RIMS1: variants seen among roughly 807,000 people sequenced by gnomAD.
The protein encoded by RIMS1 is regulating synaptic membrane exocytosis 1, also known as regulating synaptic membrane exocytosis protein 1.
Under a neutral mutation model 214.1 loss-of-function variants are expected in RIMS1, and 83 were observed. That is an observed-to-expected ratio of 0.39 (90% CI 0.32 to 0.47). The LOEUF is 0.47. Ranked by LOEUF, RIMS1 falls within the 20% of genes least tolerant of loss-of-function variation. The pLI is 0.99. For missense variants in RIMS1, 2,050 were observed against 2,161.8 expected, an observed-to-expected ratio of 0.95 and a Z score of 1.03; for synonymous variants, 793 against 786.8, an observed-to-expected ratio of 1.01 and a Z score of -0.13.
At chr6:72,334,561 TAC>T (rs2096776589) in intron 29 of RIMS1, among the ~76,000 whole-genome samples, 1 of 151,918 alleles carries the variant, frequency 6.6e-6, no homozygotes. Flanking sequence ...GATTATTCAT[TAC>T]TATGCTCAAT....
intron 2 of RIMS1, among the ~76,000 whole-genome samples, chr6:72,093,026 C>T (rs1409762728): frequency 6.6e-6 from 1 of 151,914 alleles, no homozygotes; most frequent in Non-Finnish European, 1.5e-5. Flanking sequence ...CTTTTTCTTT[C>T]TAATATTAAA....
intron 16 of RIMS1, among the ~76,000 whole-genome samples, chr6:72,257,521 C>T (rs956519539): frequency 1.3e-5 from 2 of 151,980 alleles, no homozygotes; most frequent in South Asian, 2.1e-4. Flanking sequence ...TTGTGATAGT[C>T]ATCTTCAGTC....
intron 2 of RIMS1, among the ~76,000 whole-genome samples, chr6:72,014,630 C>A (rs1812085597): frequency 1.3e-5 from 2 of 152,058 alleles, no homozygotes; most frequent in Admixed American, 1.3e-4. Flanking sequence ...TATAAATAGT[C>A]ATGTGGTAAC....
intron 4 of RIMS1, among the ~76,000 whole-genome samples, chr6:72,167,957 C>T (rs183248630): frequency 1.0e-3 from 152 of 148,844 alleles, no homozygotes; most frequent in African/African-American, 3.7e-3. Flanking sequence ...TTATTATTTT[C>T]TTCTTTATGT....
chr6:72,373,795 A>G (rs1206862572), intron 29 of RIMS1, among the ~76,000 whole-genome samples: 1 of 152,040 alleles, frequency 6.6e-6, no homozygotes, highest in Non-Finnish European at 1.5e-5. Flanking sequence ...ACCTTAATCC[A>G]CCAGATTTTT....
In RIMS1 at chr6:72,402,977, A is replaced by G. The variant is rs1659696158; in HGVS notation, c.*2263A>G. On this transcript the variant is annotated 3_prime_UTR_variant, in exon 34 of 34. Transcript: ENST00000521978. ...TGTCTTAATCGATGGCCCAAAGGGT[A>G]CTTTGCATCACATACAAGTTTTCAC... 1 of 152,460 alleles carries G rather than the reference A, an allele frequency of 6.6e-6. No individual in the cohort carries two copies. The highest frequency in any genetic ancestry group is 2.4e-5 in the African/African-American group (1 of 41,434). 9.4% of individuals were successfully genotyped at this position (152,460 alleles called of 1,614,324 possible). A position where few individuals can be genotyped will look rare whatever the true frequency, so the allele number is the denominator to read the frequency against.
intron 4 of RIMS1, among the ~76,000 whole-genome samples, chr6:72,125,449 A>G (rs1449588683): frequency 6.6e-6 from 1 of 152,182 alleles, no homozygotes; most frequent in South Asian, 2.1e-4. Flanking sequence ...TCAGGGACCC[A>G]CTTGAGGAGG....
chr6:72,348,923 T>C (rs1191066764), intron 29 of RIMS1, among the ~76,000 whole-genome samples: 1 of 151,988 alleles, frequency 6.6e-6, no homozygotes, highest in Non-Finnish European at 1.5e-5. Flanking sequence ...ATAAAAGGTT[T>C]ATTAACCTTA....
At chr6:72,103,663 C>T (rs891596611) in intron 4 of RIMS1, among the ~76,000 whole-genome samples, 2 of 151,996 alleles carry the variant, frequency 1.3e-5, no homozygotes, top group African/African-American at 2.4e-5. Context: ...TCAAATCTTA[C>T]GTTTATGTAT....
In RIMS1 at chr6:71,956,088, T is replaced by TA. The variant is rs980309524; in HGVS notation, c.165-12889dup. On this transcript the variant is annotated intron_variant, in intron 1 of 33. Coordinates refer to ENST00000521978, the MANE Select transcript of RIMS1 (RefSeq NM_014989.7). The stretch of plus-strand genomic sequence containing the variant: ...GTAAAAGAAGATATAGTTATTTGCC[T>TA]AAAAAATATATATATATATGAAATG... Among the ~76,000 whole-genome samples the TA allele has an allele frequency of 9.9e-5, 15 of 151,948 alleles. No homozygotes were observed. The East Asian group carries it at 1.2e-3, about 12-fold the overall frequency.
intron 1 of RIMS1, among the ~76,000 whole-genome samples, chr6:71,933,596 C>T (rs1188499567): frequency 6.6e-6 from 1 of 151,466 alleles, no homozygotes. Flanking sequence ...ACCAAAATAC[C>T]AGTGGCAGAG....
At chr6:72,368,292 ATTTTTT>A (rs1168375463) in intron 29 of RIMS1, among the ~76,000 whole-genome samples, 1 of 79,112 alleles carries the variant, frequency 1.3e-5, no homozygotes, top group Non-Finnish European at 2.5e-5. Flanking sequence ...GTGTTGTCTG[ATTTTTT>A]TTTTTTTTTT....
At chr6:72,186,802 C>T (rs112879607) in intron 6 of RIMS1, among the ~76,000 whole-genome samples, 2 of 149,096 alleles carry the variant, frequency 1.3e-5, no homozygotes, top group African/African-American at 4.9e-5. Flanking sequence ...TATATGTGTC[C>T]GAACAATCTC....
intron 29 of RIMS1, among the ~76,000 whole-genome samples, chr6:72,344,869 T>C (rs568590445): frequency 6.6e-6 from 1 of 151,924 alleles, no homozygotes; most frequent in South Asian, 2.1e-4. Flanking sequence ...GGCTAAGATA[T>C]AGATATACTT....
At chr6:71,956,543 AATGTGGAGTTTATT>A (rs1431682399) in intron 1 of RIMS1, among the ~76,000 whole-genome samples, 1 of 152,170 alleles carries the variant, frequency 6.6e-6, no homozygotes, top group Non-Finnish European at 1.5e-5. Flanking sequence ...TGAAAAAATT[AATGTGGAGTTTATT>A]AGAATGGAAT....
intron 1 of RIMS1, among the ~76,000 whole-genome samples, chr6:71,924,347 A>G (rs888894867): frequency 2.0e-5 from 3 of 152,192 alleles, no homozygotes; most frequent in Admixed American, 6.5e-5. Flanking sequence ...CAGCTTGGTA[A>G]TATCATCTGC....
intron 4 of RIMS1, among the ~76,000 whole-genome samples, chr6:72,178,872 C>T (rs1227440214): frequency 6.6e-6 from 1 of 152,160 alleles, no homozygotes; most frequent in Non-Finnish European, 1.5e-5. Context: ...AATGATGGTT[C>T]CCCAATAGCT....
intron 22 of RIMS1, among the ~76,000 whole-genome samples, chr6:72,270,354 C>G (rs997671670): frequency 6.6e-6 from 1 of 152,076 alleles, no homozygotes; most frequent in African/African-American, 2.4e-5. Context: ...TCAGTTATCT[C>G]ATTTTGTTTG....
At chr6:72,022,366 A>G (rs1814974131) in intron 2 of RIMS1, among the ~76,000 whole-genome samples, 1 of 152,154 alleles carries the variant, frequency 6.6e-6, no homozygotes. Flanking sequence ...GGGCGTTATC[A>G]TTATTATATT....
Sources: allele counts gnomAD v4.1 joint callset (sites outside exome capture counted in the v4.1 genomes callset), GRCh38; gene constraint gnomAD v4.1.1; transcripts MANE v1.5; gene names NCBI Gene and HGNC (gene_info 2026-07-23, HGNC 2026-07-21).